Variants in CEACAM21 observed in about 807,000 individuals in gnomAD.
CEACAM21 encodes the protein CEA cell adhesion molecule 21, also known as cell adhesion molecule CEACAM21.
CEACAM21 carries 38 observed loss-of-function variants against 33.2 expected under a neutral mutation model. The observed-to-expected ratio is 1.14, with a 90% CI of 0.88 to 1.50. The LOEUF (loss-of-function observed/expected upper bound fraction) is 1.50. Ranked by LOEUF, CEACAM21 falls within the 40% of genes most tolerant of loss-of-function variation. CEACAM21 has a pLI of 0.00. For synonymous variants in CEACAM21, 156 were observed against 143.0 expected (o/e 1.09, Z -0.65); for missense variants, 385 against 364.6 (o/e 1.06, Z -0.46).
chr19:41,572,324 C>A (rs1431536205), upstream of CEACAM21, among the ~76,000 whole-genome samples: 1 of 152,144 alleles, frequency 6.6e-6, no homozygotes, highest in African/African-American at 2.4e-5. Context: ...ACTGTCCCTT[C>A]TCCTTTTAAA....
intron 4 of CEACAM21, 71 bp downstream of exon 4, chr19:41,584,514 T>A: frequency 7.2e-7 from 1 of 1,382,564 alleles, no homozygotes; most frequent in Non-Finnish European, 1.0e-6. Flanking sequence ...GGAGACCCTG[T>A]CTTGTATTCA....
chr19:41,572,541 A>C (rs1230055725), upstream of CEACAM21, among the ~76,000 whole-genome samples: 1 of 152,064 alleles, frequency 6.6e-6, no homozygotes, highest in African/African-American at 2.4e-5. Flanking sequence ...CCTGACACTT[A>C]CCTTCTGCTC....
intron 5 of CEACAM21, 120 bp downstream of exon 5, chr19:41,585,615 C>T (rs1555795128): frequency 2.5e-6 from 3 of 1,200,250 alleles, no homozygotes; most frequent in African/African-American, 3.0e-5. Flanking sequence ...AAGAGGATCC[C>T]ATAAAACATC....
chr19:41,551,177 T>C (rs1051336304), intron 1 of CEACAM21: 3 of 150,484 alleles, frequency 2.0e-5, no homozygotes, highest in Non-Finnish European at 4.4e-5. Context: ...TTTTTTTTTT[T>C]AGATGTAGTT....
chr19:41,571,541 A>T (rs781890249), upstream of CEACAM21, among the ~76,000 whole-genome samples: 3 of 152,238 alleles, frequency 2.0e-5, no homozygotes, highest in African/African-American at 7.2e-5. Context: ...TCACCATCCT[A>T]GAAAACATCT....
In CEACAM21 at chr19:41,577,570, C is replaced by T; in HGVS notation, c.424+11C>T. On this transcript the variant is annotated intron_variant, in intron 2 of 6. Transcript: ENST00000401445. Reference sequence around the variant, plus strand: ...ATCTCCGTGTATACGGTGAGTGATTCCTCCGTGCCTCTGGGTGTTGGGGGT... The same window carrying T: ...ATCTCCGTGTATACGGTGAGTGATTTCTCCGTGCCTCTGGGTGTTGGGGGT... The T allele has an allele frequency of 6.2e-7, 1 of 1,611,792 alleles. No homozygotes were observed. Among genetic ancestry groups the T allele is most frequent in the South Asian group, 1.1e-5 (1 of 90,948 alleles).
At chr19:41,584,667 CT>C (rs1259263438) in intron 4 of CEACAM21, among the ~76,000 whole-genome samples, 2 of 152,194 alleles carry the variant, frequency 1.3e-5, no homozygotes, top group Non-Finnish European at 2.9e-5. Context: ...GGCCATGCCC[CT>C]GAGCATGGTC....
At chr19:41,574,909 T>C (rs553401443), upstream of CEACAM21, among the ~76,000 whole-genome samples, 1 of 152,294 alleles carries the variant, frequency 6.6e-6, no homozygotes, top group South Asian at 2.1e-4. Context: ...GCAGCGGTTT[T>C]CACAATAGCA....
intron 6 of CEACAM21, chr19:41,586,176 C>A (rs1175829690): frequency 3.4e-6 from 2 of 584,672 alleles, no homozygotes; most frequent in East Asian, 3.0e-5. Context: ...AGCACCAGGG[C>A]AGCTGCTCTC....
chr19:41,561,753 A>C (rs2122177125), intron 1 of CEACAM21, among the ~76,000 whole-genome samples: 1 of 152,322 alleles, frequency 6.6e-6, no homozygotes, highest in African/African-American at 2.4e-5. Flanking sequence ...CTATTTCTAC[A>C]CATGCATAGA....
chr19:41,578,835 T>C (rs2043151573), intron 2 of CEACAM21, among the ~76,000 whole-genome samples: 1 of 152,130 alleles, frequency 6.6e-6, no homozygotes, highest in African/African-American at 2.4e-5. Flanking sequence ...AGGACTCAGC[T>C]TTCTCTTCCC....
rs369283885 is a variant in CEACAM21, at chr19:41,577,427, C to T, written c.292C>T (p.Arg98Ter). The change falls in exon 2 of 7, where the codon CGA (arginine) becomes TGA (stop). Residue 98 changes from arginine (R) to a stop codon, truncating the protein, a stop_gained. Coordinates refer to ENST00000401445, the MANE Select transcript of CEACAM21 (RefSeq NM_001098506.4). LOFTEE classifies it high-confidence loss of function. ...GACTCCAGGGCCTGCATACAGCGGTCGAGAGACAATATCACCCAGTGGAGA... is the reference window on the plus strand; with the variant it reads ...GACTCCAGGGCCTGCATACAGCGGTTGAGAGACAATATCACCCAGTGGAGA... ...VRTPGPAYSG[R>*]ETISPSGDLH... 118 of 1,614,000 alleles carry T rather than the reference C, an allele frequency of 7.3e-5. No homozygotes were observed. Among genetic ancestry groups the T allele is most frequent in the South Asian group, 4.4e-5 (4 of 91,084 alleles).
chr19:41,554,058 A>T (rs1275001169), intron 1 of CEACAM21, among the ~76,000 whole-genome samples: 2 of 152,066 alleles, frequency 1.3e-5, no homozygotes, highest in African/African-American at 4.8e-5. Flanking sequence ...ATTTGCCTTG[A>T]CTCTGAAAAG....
intron 1 of CEACAM21, among the ~76,000 whole-genome samples, chr19:41,563,243 T>C (rs1213093195): frequency 1.3e-5 from 2 of 152,158 alleles, no homozygotes; most frequent in Non-Finnish European, 2.9e-5. Context: ...GATAGTCTTG[T>C]TGTTTTCACT....
chr19:41,557,691 G>A (rs1228629394), intron 1 of CEACAM21, among the ~76,000 whole-genome samples: 4 of 152,200 alleles, frequency 2.6e-5, no homozygotes, highest in Admixed American at 6.5e-5. Context: ...TAAAAAGAGA[G>A]AGCATGTTTA....
intron 1 of CEACAM21, chr19:41,551,951 A>G (rs1044548248): frequency 3.9e-5 from 6 of 152,094 alleles, no homozygotes; most frequent in Non-Finnish European, 8.8e-5. Context: ...TCTGGCTGCT[A>G]TTTCTCACGG....
At chr19:41,577,693 G>A in intron 2 of CEACAM21, 134 bp downstream of exon 2, 2 of 1,289,512 alleles carry the variant, frequency 1.6e-6, no homozygotes, top group South Asian at 1.3e-5. Flanking sequence ...TTTAGTGCAG[G>A]ACACACCCAG....
chr19:41,586,834 A>G lies in CEACAM21; in HGVS notation c.*371A>G. 1 of 229,154 alleles carries G rather than the reference A, an allele frequency of 4.4e-6. No homozygotes were observed. The highest frequency in any genetic ancestry group is 8.9e-6 in the Non-Finnish European group (1 of 112,782). The allele number at this position is 229,154 out of a possible 1,614,324, so 14.2% of individuals were successfully genotyped here. ...TGGAAAGGATCTGAATAAAGGGGAA[A>G]CTTCCTCTCATTGGCTCTTTTTCTG... On this transcript the variant is annotated 3_prime_UTR_variant, in exon 7 of 7. Transcript: ENST00000401445.
chr19:41,564,273 G>T (rs889335618), intron 1 of CEACAM21, among the ~76,000 whole-genome samples: 6 of 152,076 alleles, frequency 3.9e-5, no homozygotes, highest in African/African-American at 9.7e-5. Flanking sequence ...AGATCCTAAG[G>T]CCCCGCTTTC....
Sources: allele counts gnomAD v4.1 joint callset (sites outside exome capture counted in the v4.1 genomes callset), GRCh38; gene constraint gnomAD v4.1.1; transcripts MANE v1.5; gene names NCBI Gene and HGNC (gene_info 2026-07-23, HGNC 2026-07-21).